The following MARCHF8 variants were observed in gnomAD, a reference collection of about 807,000 sequenced individuals.
The protein encoded by MARCHF8 is membrane associated ring-CH-type finger 8, also known as E3 ubiquitin-protein ligase MARCHF8.
A neutral mutation model predicts 51.6 loss-of-function variants in MARCHF8; 40 were observed. That is an observed-to-expected ratio of 0.77 (90% CI 0.60 to 1.01). The LOEUF (loss-of-function observed/expected upper bound fraction) is 1.01, where lower values mean the gene tolerates loss of function less well. Ranked by LOEUF, MARCHF8 falls within the 50% of genes least tolerant of loss-of-function variation. MARCHF8 has a pLI of 0.00. For missense variants in MARCHF8, 685 were observed against 708.6 expected (o/e 0.97, Z 0.38); for synonymous variants, 263 against 280.3 (o/e 0.94, Z 0.62).
chr10:45,476,538 T>TG (rs1363527649), intron 3 of MARCHF8, among the ~76,000 whole-genome samples: 1 of 152,138 alleles, frequency 6.6e-6, no homozygotes, highest in Non-Finnish European at 1.5e-5. Flanking sequence ...ACTGTACTCC[T>TG]GCCTGGGCAA....
intron 1 of MARCHF8, among the ~76,000 whole-genome samples, chr10:45,549,614 C>G (rs1293711526): frequency 6.6e-6 from 1 of 152,204 alleles, no homozygotes; most frequent in Non-Finnish European, 1.5e-5. Flanking sequence ...ATGTGTCCCC[C>G]AAGTTCATGT....
chr10:45,459,377 C>T (rs1367945008), intron 6 of MARCHF8, 110 bp from the exon 7 acceptor site: 1 of 1,219,894 alleles, frequency 8.2e-7, no homozygotes, highest in Non-Finnish European at 1.1e-6. Flanking sequence ...TCTCCCTTCC[C>T]AAACTAGATG....
intron 2 of MARCHF8, among the ~76,000 whole-genome samples, chr10:45,519,169 T>C (rs2043667653): frequency 6.6e-6 from 1 of 152,250 alleles, no homozygotes; most frequent in Non-Finnish European, 1.5e-5. Flanking sequence ...TATATCTTCA[T>C]TCAAGCATGG....
At chr10:45,483,608 T>A (rs1369658833) in intron 3 of MARCHF8, among the ~76,000 whole-genome samples, 1 of 152,232 alleles carries the variant, frequency 6.6e-6, no homozygotes, top group East Asian at 1.9e-4. Flanking sequence ...CAAAGAGATA[T>A]CTGTACTCCC....
At chr10:45,533,363 T>A in intron 1 of MARCHF8, 74 bp from the exon 2 acceptor site, 1 of 910,016 alleles carries the variant, frequency 1.1e-6, no homozygotes, top group South Asian at 3.4e-5. Flanking sequence ...AGCTTAACAT[T>A]TTATACTTAT....
chr10:45,503,173 T>C (rs1362068849), intron 2 of MARCHF8, among the ~76,000 whole-genome samples: 2 of 152,142 alleles, frequency 1.3e-5, no homozygotes, highest in South Asian at 2.1e-4. Flanking sequence ...TAGATAAATA[T>C]AGCAACAATT....
chr10:45,471,150 T>C (rs76491632), intron 3 of MARCHF8, among the ~76,000 whole-genome samples: 5,427 of 152,298 alleles, frequency 0.036, 147 homozygotes, highest in Non-Finnish European at 0.053. Flanking sequence ...ATGATATCCA[T>C]TATAAATGAC....
At chr10:45,549,448 C>G (rs551549032) in intron 1 of MARCHF8, among the ~76,000 whole-genome samples, 1 of 152,314 alleles carries the variant, frequency 6.6e-6, no homozygotes, top group East Asian at 1.9e-4. Flanking sequence ...CTCCATGTGG[C>G]CTTTTCTTCT....
chr10:45,465,811 T>C (rs1331678489), intron 3 of MARCHF8, among the ~76,000 whole-genome samples: 1 of 152,252 alleles, frequency 6.6e-6, no homozygotes, highest in Non-Finnish European at 1.5e-5. Flanking sequence ...CTACATTTAT[T>C]TTCTAACTGA....
chr10:45,500,099 A>G (rs2043251795), intron 2 of MARCHF8, among the ~76,000 whole-genome samples: 1 of 152,166 alleles, frequency 6.6e-6, no homozygotes, highest in Non-Finnish European at 1.5e-5. Flanking sequence ...TGTCTTCTTT[A>G]ATTTCTTTCA....
At chr10:45,546,263 C>A (rs1244603485) in intron 1 of MARCHF8, among the ~76,000 whole-genome samples, 2 of 151,902 alleles carry the variant, frequency 1.3e-5, no homozygotes, top group Admixed American at 1.3e-4. Flanking sequence ...CTGGTTCAAG[C>A]GATTGCGCTG....
At chr10:45,545,813 C>T (rs2044112367) in intron 1 of MARCHF8, among the ~76,000 whole-genome samples, 1 of 152,182 alleles carries the variant, frequency 6.6e-6, no homozygotes, top group Admixed American at 6.5e-5. Context: ...CTTCCCTTCA[C>T]TCAGCCAGGA....
intron 3 of MARCHF8, among the ~76,000 whole-genome samples, chr10:45,466,032 C>T (rs1842957271): frequency 6.6e-6 from 1 of 152,186 alleles, no homozygotes; most frequent in African/African-American, 2.4e-5. Context: ...TCTTCTAGGC[C>T]TGACTGCATA....
chr10:45,527,602 AC>A (rs1014278680), intron 2 of MARCHF8, among the ~76,000 whole-genome samples: 1 of 152,100 alleles, frequency 6.6e-6, no homozygotes, highest in African/African-American at 2.4e-5. Flanking sequence ...GTAAGACTTA[AC>A]CAGTAATAAA....
intron 2 of MARCHF8, among the ~76,000 whole-genome samples, chr10:45,497,467 C>T (rs1014113343): frequency 5.9e-5 from 9 of 152,080 alleles, no homozygotes; most frequent in Non-Finnish European, 1.2e-4. Context: ...CCAACAACAA[C>T]AACAGAATAT....
intron 1 of MARCHF8, among the ~76,000 whole-genome samples, chr10:45,588,171 A>C (rs1484895844): frequency 1.3e-5 from 2 of 152,132 alleles, no homozygotes; most frequent in African/African-American, 4.8e-5. Flanking sequence ...AAGTAAAAAA[A>C]AAAAAAGAAA....
intron 2 of MARCHF8, among the ~76,000 whole-genome samples, chr10:45,494,572 A>C (rs1424540750): frequency 6.6e-6 from 1 of 152,228 alleles, no homozygotes. Flanking sequence ...TCACTTTTCC[A>C]CACTACTTTG....
intron 2 of MARCHF8, among the ~76,000 whole-genome samples, chr10:45,505,030 A>T (rs1721514767): frequency 6.6e-6 from 1 of 152,204 alleles, no homozygotes; most frequent in South Asian, 2.1e-4. Context: ...TATACAATTA[A>T]GCACTTATGC....
intron 2 of MARCHF8, among the ~76,000 whole-genome samples, chr10:45,529,517 CA>C (rs2043843583): frequency 6.6e-6 from 1 of 152,072 alleles, no homozygotes; most frequent in Non-Finnish European, 1.5e-5. Flanking sequence ...AATAAATAAT[CA>C]ACAGAGAAAA....
Sources: allele counts gnomAD v4.1 joint callset (sites outside exome capture counted in the v4.1 genomes callset), GRCh38; gene constraint gnomAD v4.1.1; transcripts MANE v1.5; gene names NCBI Gene and HGNC (gene_info 2026-07-23, HGNC 2026-07-21).